The following BTBD2 variants were observed in gnomAD, a reference collection of about 807,000 sequenced individuals.
The protein encoded by BTBD2 is BTB domain containing 2, also known as BTB/POZ domain-containing protein 2.
In BTBD2, 15 loss-of-function variants were observed where a neutral mutation model predicts 44.0. The observed-to-expected ratio is 0.34, with a 90% CI of 0.23 to 0.53. The LOEUF (loss-of-function observed/expected upper bound fraction) is 0.53, where lower values mean the gene tolerates loss of function less well. Among genes scored for constraint, BTBD2 ranks in the 20% least tolerant of loss-of-function variants. The pLI is 0.95. For missense variants in BTBD2, 657 were observed against 746.4 expected (o/e 0.88, Z 1.39); for synonymous variants, 443 against 335.9 (o/e 1.32, Z -3.49).
intron 7 of BTBD2, 72 bp from the exon 8 acceptor site, chr19:1,987,048 C>T (rs1165211820): frequency 6.3e-7 from 1 of 1,592,970 alleles, no homozygotes; most frequent in East Asian, 2.2e-5. Flanking sequence ...GCCCAGCCCA[C>T]CTGCCCAGGG....
Position 1,987,256 on chromosome 19 carries a change from GC to G in BTBD2, c.1182-4del, listed in dbSNP as rs765089903. On this transcript the variant is annotated splice_polypyrimidine_tract_variant and splice_region_variant and intron_variant, in intron 6 of 8. Transcript: ENST00000255608. ...AGATGCGCTTGTTGACTGAGAACCT[GC>G]CGTGGCAGATGACAGGCAGCAGCGT... 191 of 1,613,688 alleles carry G rather than the reference GC, an allele frequency of 1.2e-4. No homozygotes were observed. The highest frequency in any genetic ancestry group is 1.5e-4 in the Non-Finnish European group (180 of 1,179,810).
chr19:1,998,587 A>C (rs898347929), intron 1 of BTBD2, among the ~76,000 whole-genome samples: 2 of 152,170 alleles, frequency 1.3e-5, no homozygotes, highest in African/African-American at 4.8e-5. Context: ...TGCGGTGAGC[A>C]GAGAAAGGCT....
chr19:2,013,193 A>G (rs954273091), intron 1 of BTBD2, among the ~76,000 whole-genome samples: 1 of 152,186 alleles, frequency 6.6e-6, no homozygotes, highest in Non-Finnish European at 1.5e-5. Flanking sequence ...CGTTAACAAA[A>G]GCACCCGAAG....
In BTBD2 at chr19:1,990,901, T is replaced by G. The variant is rs540899511; in HGVS notation, c.685-79A>C. 16 of 1,306,882 alleles carry G rather than the reference T, an allele frequency of 1.2e-5. No individual in the cohort carries two copies. In the African/African-American group the frequency reaches 2.2e-4, roughly 18 times the overall value. The allele number at this position is 1,306,882 out of a possible 1,614,324, so 81.0% of individuals were successfully genotyped here. A position where few individuals can be genotyped will look rare whatever the true frequency, so the allele number is the denominator to read the frequency against. On this transcript the variant is annotated intron_variant, in intron 3 of 8. Coordinates refer to ENST00000255608, the MANE Select transcript of BTBD2 (RefSeq NM_017797.4). Reference sequence around the variant, plus strand: ...GGCAGATCCCCAGTGCGGGGCCGGTTCAAATGCAGCCCTGACCACACGGGC... The same window carrying G: ...GGCAGATCCCCAGTGCGGGGCCGGTGCAAATGCAGCCCTGACCACACGGGC...
At chr19:1,986,734 C>A in intron 8 of BTBD2, 85 bp from the exon 9 acceptor site, 2 of 1,579,700 alleles carry the variant, frequency 1.3e-6, no homozygotes, top group Non-Finnish European at 1.7e-6. Flanking sequence ...CCGACTGGGC[C>A]AGGGTGGCTG....
At chr19:2,007,051 T>A (rs1425169393) in intron 1 of BTBD2, among the ~76,000 whole-genome samples, 2 of 151,988 alleles carry the variant, frequency 1.3e-5, no homozygotes, top group Non-Finnish European at 2.9e-5. Flanking sequence ...AGAGATGGGG[T>A]TTCACCATCT....
intron 3 of BTBD2, among the ~76,000 whole-genome samples, chr19:1,992,451 G>A (rs1315654962): frequency 6.6e-6 from 1 of 152,012 alleles, no homozygotes; most frequent in Non-Finnish European, 1.5e-5. Flanking sequence ...TGTTGCCTAG[G>A]CTGGTCTAGA....
intron 1 of BTBD2, among the ~76,000 whole-genome samples, chr19:2,004,734 T>C (rs1285230161): frequency 6.6e-6 from 1 of 151,268 alleles, no homozygotes; most frequent in Non-Finnish European, 1.5e-5. Flanking sequence ...ATCCCAGGAC[T>C]TCGAGAGGCC....
At chr19:1,993,531 G>A (rs1236283685) in intron 2 of BTBD2, among the ~76,000 whole-genome samples, 2 of 152,116 alleles carry the variant, frequency 1.3e-5, no homozygotes, top group African/African-American at 2.4e-5. Flanking sequence ...TTTTCCATGA[G>A]GAACTGTTGG....
At chr19:1,997,588 C>T (rs1047654108) in intron 1 of BTBD2, 125 bp from the exon 2 acceptor site, 16 of 1,393,234 alleles carry the variant, frequency 1.1e-5, no homozygotes, top group South Asian at 1.3e-5. Context: ...CAGGCATGTA[C>T]CAGGCCCCCC....
intron 5 of BTBD2, chr19:1,988,174 C>G (rs1599346603): frequency 6.3e-6 from 1 of 158,408 alleles, no homozygotes; most frequent in African/African-American, 2.4e-5. Flanking sequence ...GACACCTTCT[C>G]AAGCGCTTAC....
chr19:2,015,185 G>T (rs1291094992), intron 1 of BTBD2, 112 bp downstream of exon 1: 3 of 1,354,744 alleles, frequency 2.2e-6, no homozygotes, highest in African/African-American at 1.6e-5. Context: ...AGGGCTCGGG[G>T]ATGGAGGGGT....
At chr19:1,999,221 G>A (rs923872331) in intron 1 of BTBD2, among the ~76,000 whole-genome samples, 13 of 152,224 alleles carry the variant, frequency 8.5e-5, no homozygotes, top group Non-Finnish European at 1.9e-4. Context: ...AACCAACGCA[G>A]TGGCTTCCAC....
intron 2 of BTBD2, among the ~76,000 whole-genome samples, chr19:1,995,279 CTTTTTTTT>C (rs71174402): frequency 8.1e-5 from 10 of 122,718 alleles, no homozygotes; most frequent in Admixed American, 8.7e-5. Flanking sequence ...ACTTTGGATT[CTTTTTTTT>C]TTTTTTTTTT....
chr19:2,000,548 C>T (rs139536334), intron 1 of BTBD2, among the ~76,000 whole-genome samples: 118 of 152,266 alleles, frequency 7.7e-4, no homozygotes, highest in East Asian at 2.9e-3. Flanking sequence ...AAGGCAGGGG[C>T]TCCTCCAACA....
At chr19:1,991,676 T>C (rs1031683581) in intron 3 of BTBD2, among the ~76,000 whole-genome samples, 4 of 152,094 alleles carry the variant, frequency 2.6e-5, no homozygotes, top group Non-Finnish European at 5.9e-5. Flanking sequence ...CCAAAGCCCA[T>C]TGGAGGACCC....
At chr19:2,005,195 G>A (rs565194265) in intron 1 of BTBD2, among the ~76,000 whole-genome samples, 29 of 152,290 alleles carry the variant, frequency 1.9e-4, no homozygotes, top group Admixed American at 6.5e-4. Context: ...GCTGGTCTGC[G>A]GGTTTTCCGG....
chr19:2,005,144 C>T (rs1203940121), intron 1 of BTBD2, among the ~76,000 whole-genome samples: 1 of 152,028 alleles, frequency 6.6e-6, no homozygotes, highest in Non-Finnish European at 1.5e-5. Context: ...CTGCCAAATT[C>T]CATGGAATCT....
intron 1 of BTBD2, among the ~76,000 whole-genome samples, chr19:2,013,116 C>T (rs1039392566): frequency 6.6e-5 from 10 of 152,214 alleles, no homozygotes; most frequent in African/African-American, 1.4e-4. Flanking sequence ...TGCTAAGTAC[C>T]GCCCAGGGCA....
Sources: allele counts gnomAD v4.1 joint callset (sites outside exome capture counted in the v4.1 genomes callset), GRCh38; gene constraint gnomAD v4.1.1; transcripts MANE v1.5; gene names NCBI Gene and HGNC (gene_info 2026-07-23, HGNC 2026-07-21).